ABCC1: variants seen among roughly 807,000 people sequenced by gnomAD.
The protein encoded by ABCC1 is ATP binding cassette subfamily C member 1 (ABCC1 blood group), also known as multidrug resistance-associated protein 1.
In ABCC1, 83 loss-of-function variants were observed where a neutral mutation model predicts 172.9. That is an observed-to-expected ratio of 0.48 (90% CI 0.40 to 0.58). The LOEUF (loss-of-function observed/expected upper bound fraction) is 0.58, where lower values mean the gene tolerates loss of function less well. Ranked by LOEUF, ABCC1 falls within the 20% of genes least tolerant of loss-of-function variation. The pLI is 0.00. For missense variants in ABCC1, 1,817 were observed against 2,002.7 expected, an observed-to-expected ratio of 0.91 and a Z score of 1.77; for synonymous variants, 937 against 825.2, an observed-to-expected ratio of 1.14 and a Z score of -2.32.
At chr16:15,960,469 T>A (rs1464955192) in intron 1 of ABCC1, among the ~76,000 whole-genome samples, 1 of 152,184 alleles carries the variant, frequency 6.6e-6, no homozygotes, top group Non-Finnish European at 1.5e-5. Context: ...GCAGCTACTA[T>A]GTGCTGCTGC....
At chr16:16,070,721 TTCAGTATCCCTC>T (rs2050313633) in intron 13 of ABCC1, among the ~76,000 whole-genome samples, 1 of 152,082 alleles carries the variant, frequency 6.6e-6, no homozygotes, top group East Asian at 1.9e-4. Flanking sequence ...CTCATTCTTT[TTCAGTATCCCTC>T]CCTTGTCCCT....
At chr16:15,961,033 TG>T (rs890551129) in intron 1 of ABCC1, among the ~76,000 whole-genome samples, 7 of 135,464 alleles carry the variant, frequency 5.2e-5, no homozygotes, top group Non-Finnish European at 1.1e-4. Context: ...TTAAAATAGA[TG>T]GGGGTCTTGC....
intron 19 of ABCC1, among the ~76,000 whole-genome samples, chr16:16,091,758 G>A (rs1596484970): frequency 6.6e-6 from 1 of 152,182 alleles, no homozygotes; most frequent in Non-Finnish European, 1.5e-5. Flanking sequence ...GTGGGTTTTG[G>A]TCTAACTGCC....
chr16:16,044,781 T>C (rs949743919), intron 8 of ABCC1, 101 bp downstream of exon 8: 17 of 1,079,308 alleles, frequency 1.6e-5, no homozygotes, highest in Admixed American at 2.2e-5. Context: ...TGTCCTGAAG[T>C]GGGCTCATAG....
chr16:16,107,206 C>T (rs549056363), intron 21 of ABCC1, among the ~76,000 whole-genome samples: 10 of 152,246 alleles, frequency 6.6e-5, no homozygotes, highest in East Asian at 1.9e-4. Flanking sequence ...CTTCCTGCAA[C>T]GTGGGGTTCA....
chr16:16,036,278 A>T (rs527327696), intron 6 of ABCC1, among the ~76,000 whole-genome samples, 194 bp from the exon 7 acceptor site: 1 of 151,464 alleles, frequency 6.6e-6, no homozygotes, highest in East Asian at 1.9e-4. Flanking sequence ...AATGAGCTGT[A>T]ATTAGCTTGT....
chr16:16,100,306 CAGG>C (rs1413230879), intron 19 of ABCC1, among the ~76,000 whole-genome samples: 3 of 152,126 alleles, frequency 2.0e-5, no homozygotes, highest in Non-Finnish European at 2.9e-5. Flanking sequence ...CAGTGACGAA[CAGG>C]AGAAGTGAAG....
At position 16,038,703 on chromosome 16, in the gene ABCC1, C is replaced by A. The variant is rs149403183; in HGVS notation, c.809+2100C>A. On this transcript the variant is annotated intron_variant, in intron 7 of 30. Coordinates refer to ENST00000399410, the MANE Select transcript of ABCC1 (RefSeq NM_004996.4). ...CCAGTCAACTTGACCCCTAACATCA[C>A]CCATCTCATCTGGATTCCTTCAGCC... Among the ~76,000 whole-genome samples the A allele has an allele frequency of 5.8e-4, 89 of 152,300 alleles. No homozygotes were observed. In the East Asian group the frequency reaches 0.015, roughly 25 times the overall value.
chr16:16,126,139 C>G (rs2045422445), intron 26 of ABCC1, among the ~76,000 whole-genome samples: 1 of 152,128 alleles, frequency 6.6e-6, no homozygotes, highest in Non-Finnish European at 1.5e-5. Context: ...ATATACGAGA[C>G]TGTGGGATGC....
At chr16:16,098,391 G>A (rs2051575239) in intron 19 of ABCC1, 1 of 205,188 alleles carries the variant, frequency 4.9e-6, no homozygotes, top group Admixed American at 5.1e-5. Flanking sequence ...GGCCAAGGCA[G>A]GTGTATCAGC....
At chr16:16,079,637 T>A (rs1358875914) in intron 16 of ABCC1, among the ~76,000 whole-genome samples, 159 bp downstream of exon 16, 1 of 152,100 alleles carries the variant, frequency 6.6e-6, no homozygotes, top group Non-Finnish European at 1.5e-5. Context: ...TCTCTTTCTC[T>A]CTCGTTCTTT....
At position 16,142,719 on chromosome 16, in the gene ABCC1, C is replaced by T. The variant is rs1213108073; in HGVS notation, c.*1438C>T. ...CCCAGGAAATAGTGAGAAGCTCGCC[C>T]TGTGTTTGAAACCGTGTTGGTCTCT... On this transcript the variant is annotated 3_prime_UTR_variant, in exon 31 of 31. Coordinates refer to ENST00000399410, the MANE Select transcript of ABCC1 (RefSeq NM_004996.4). 1.3e-5 allele frequency: 2 copies of T among 152,090 alleles called. No homozygotes were observed. Among genetic ancestry groups the T allele is most frequent in the Non-Finnish European group, 2.9e-5 (2 of 68,034 alleles). The allele number at this position is 152,090 out of a possible 1,614,324, so 9.4% of individuals were successfully genotyped here.
At chr16:16,105,715 T>G (rs939584946) in intron 20 of ABCC1, among the ~76,000 whole-genome samples, 4 of 68,196 alleles carry the variant, frequency 5.9e-5, no homozygotes, top group African/African-American at 2.8e-4. Flanking sequence ...TTTTCTTTTC[T>G]TTTTTTTTTT....
At chr16:16,004,866 G>GT (rs1467018729) in intron 1 of ABCC1, among the ~76,000 whole-genome samples, 1 of 151,206 alleles carries the variant, frequency 6.6e-6, no homozygotes. Flanking sequence ...TTTTATGGGG[G>GT]GTTCTTGCCA....
chr16:16,111,188 G>A (rs2052371645), intron 21 of ABCC1, among the ~76,000 whole-genome samples, 187 bp from the exon 22 acceptor site: 4 of 152,164 alleles, frequency 2.6e-5, no homozygotes, highest in East Asian at 1.9e-4. Flanking sequence ...TGTGAGCCAC[G>A]GCGCCTGGCC....
Position 16,131,970 on chromosome 16 carries a change from C to T in ABCC1, c.3966+35C>T, listed in dbSNP as rs751286966. 4.4e-6 allele frequency: 7 copies of T among 1,599,946 alleles called. No individual in the cohort carries two copies. The South Asian group carries it at 5.5e-5, about 13-fold the overall frequency. ...CATCGCCCCATTCCCTCACCCATTC[C>T]CAGTCGGGCACAGGGTGCCATCGGG... On this transcript the variant is annotated intron_variant, in intron 27 of 30. Coordinates refer to ENST00000399410, the MANE Select transcript of ABCC1 (RefSeq NM_004996.4).
At chr16:15,961,219 C>G (rs962191377) in intron 1 of ABCC1, among the ~76,000 whole-genome samples, 3 of 151,992 alleles carry the variant, frequency 2.0e-5, no homozygotes, top group African/African-American at 7.2e-5. Context: ...TTAACTGAAA[C>G]GTTTGTGATC....
intron 5 of ABCC1, among the ~76,000 whole-genome samples, chr16:16,023,767 C>T (rs753279920): frequency 2.6e-5 from 4 of 152,066 alleles, no homozygotes; most frequent in African/African-American, 9.7e-5. Context: ...GGCTAGCATC[C>T]AGGGAGGAGA....
Position 16,036,590 on chromosome 16 carries a change from G to A in ABCC1, c.796G>A (p.Ala266Thr), listed in dbSNP as rs758046256. 1.3e-5 allele frequency: 21 copies of A among 1,613,794 alleles called. No homozygotes were observed. Among genetic ancestry groups the A allele is most frequent in the African/African-American group, 6.7e-5 (5 of 74,926 alleles). The part of the protein sequence containing the change: ...VLVKNWKKEC[A>T]KTRKQPVKVV... ...GGTAAAGAACTGGAAGAAGGAATGCGCCAAGACTAGGAAGTAAGTGTGAGT... is the reference window on the plus strand; with the variant it reads ...GGTAAAGAACTGGAAGAAGGAATGCACCAAGACTAGGAAGTAAGTGTGAGT... Residue 266 changes from alanine to threonine, a missense_variant, in exon 7 of 31, where the codon GCC becomes ACC. This residue lies in a region of ABCC1 where 398 missense variants were observed against 384.2 expected (regional missense o/e 1.04). Coordinates refer to ENST00000399410, the MANE Select transcript of ABCC1 (RefSeq NM_004996.4).
Sources: gnomAD v4.1 joint callset for allele counts (sites outside exome capture counted in the v4.1 genomes callset) on GRCh38, gnomAD v4.1.1 for gene constraint, gnomAD v4.1.1 regional missense constraint, MANE v1.5 for transcripts, NCBI Gene and HGNC (gene_info 2026-07-23, HGNC 2026-07-21) for gene names.